TRAM2: variants seen among roughly 807,000 people sequenced by gnomAD.
TRAM2 encodes the protein translocation associated membrane protein 2.
TRAM2 carries 12 observed loss-of-function variants against 51.0 expected under a neutral mutation model. That is an observed-to-expected ratio of 0.24 (90% confidence interval 0.15 to 0.38). TRAM2 has a LOEUF of 0.38. Ranked by LOEUF, TRAM2 falls within the 10% of genes least tolerant of loss-of-function variation. The probability of loss-of-function intolerance (pLI) is 1.00; values close to 1 mark genes in which losing one functional copy is unlikely to be tolerated. For missense variants in TRAM2, 361 were observed against 462.0 expected (o/e 0.78, Z 2.00); for synonymous variants, 175 against 179.4 (o/e 0.98, Z 0.20).
intron 1 of TRAM2, among the ~76,000 whole-genome samples, chr6:52,536,840 C>A (rs1452816442): frequency 1.3e-5 from 2 of 152,144 alleles, no homozygotes; most frequent in African/African-American, 4.8e-5. Context: ...CAGGACCAGG[C>A]CTTTCCCAAG....
chr6:52,526,474 C>A (rs1766783985), intron 2 of TRAM2, among the ~76,000 whole-genome samples: 1 of 152,086 alleles, frequency 6.6e-6, no homozygotes, highest in South Asian at 2.1e-4. Context: ...GCAATCTCTG[C>A]CTCCCAGGCT....
chr6:52,508,997 G>A (rs1485050484), intron 5 of TRAM2, among the ~76,000 whole-genome samples: 1 of 152,258 alleles, frequency 6.6e-6, no homozygotes, highest in Admixed American at 6.5e-5. Flanking sequence ...TCATGCCATT[G>A]CACTCCACCC....
chr6:52,522,363 A>C (rs1228803088), intron 2 of TRAM2, among the ~76,000 whole-genome samples: 2 of 152,260 alleles, frequency 1.3e-5, no homozygotes, highest in Non-Finnish European at 2.9e-5. Flanking sequence ...CAGTGGCTGG[A>C]GTCCCAATGT....
rs1766185895 is a variant in TRAM2 at position 52,500,407 on chromosome 6, TGGCAGGGGGAGGGG to T, written c.*2776_*2789del. On this transcript the variant is annotated 3_prime_UTR_variant, in exon 11 of 11. Coordinates refer to ENST00000182527, the MANE Select transcript of TRAM2 (RefSeq NM_012288.4). ...TGTGAAATAAACGTGCCAGGGAGGG[TGGCAGGGGGAGGGG>T]GGTGACAAAGTACCCTACAACTACC... The T allele has an allele frequency of 6.6e-6, 1 of 151,182 alleles. No homozygotes were observed. The highest frequency in any genetic ancestry group is 1.5e-5 in the Non-Finnish European group (1 of 67,828). The allele number at this position is 151,182 out of a possible 1,614,324, so 9.4% of individuals were successfully genotyped here.
chr6:52,537,685 T>TCATCAGACTCCTCACAGTCCC (rs1215624946), intron 1 of TRAM2, among the ~76,000 whole-genome samples: 9 of 151,762 alleles, frequency 5.9e-5, no homozygotes, highest in African/African-American at 2.2e-4. Context: ...TCCACAGTTC[T>TCATCAGACTCCTCACAGTCCC]CATCAGACTC....
intron 1 of TRAM2, among the ~76,000 whole-genome samples, chr6:52,550,727 C>T (rs1032982093): frequency 7.2e-5 from 11 of 151,892 alleles, no homozygotes; most frequent in East Asian, 1.9e-4. Context: ...AATTTTTGTA[C>T]TTTTAGTAGA....
intron 9 of TRAM2, 22 bp from the exon 10 acceptor site, chr6:52,504,776 GCTTAGGCTGGGGCTTGGGCTCACAGC>G (rs1562473983): frequency 7.0e-6 from 11 of 1,577,904 alleles, no homozygotes; most frequent in South Asian, 1.1e-5. Context: ...GGGGTTAGGG[GCTTAGGCTGGGGCTTGGGCTCACAGC>G]CTTGGGCTGG....
chr6:52,553,628 G>GTGCCTT lies in TRAM2; in HGVS notation c.121-17783_121-17782insAAGGCA, dbSNP rs112386633. ...CTCACACCTGAAGCACTCACTGCCT[G>GTGCCTT]TACCTCTTTGTTGAGAGATAGTAGA... On this transcript the variant is annotated intron_variant, in intron 1 of 10. Coordinates refer to ENST00000182527, the MANE Select transcript of TRAM2 (RefSeq NM_012288.4). Among the ~76,000 whole-genome samples the GTGCCTT allele has an allele frequency of 2.0e-3, 297 of 152,292 alleles. 1 individual carries two copies. Among genetic ancestry groups the GTGCCTT allele is most frequent in the African/African-American group, 7.0e-3 (292 of 41,538 alleles).
chr6:52,560,793 C>T (rs953981675), intron 1 of TRAM2, among the ~76,000 whole-genome samples: 3 of 152,204 alleles, frequency 2.0e-5, no homozygotes, highest in African/African-American at 7.2e-5. Flanking sequence ...TGGCCCTGAG[C>T]TATCACTCTC....
rs1767777919 is a variant in TRAM2, at chr6:52,576,864, C to T, written c.52G>A (p.Val18Ile). 2 of 1,613,816 alleles carry T rather than the reference C, an allele frequency of 1.2e-6. No individual in the cohort carries two copies. ...KSYPLFSQEF[V>I]IHNHADIGFC... The stretch of plus-strand genomic sequence containing the variant: ...CCGATGTCCGCATGGTTGTGGATGA[C>T]GAACTCCTGGCTGAAGAGCGGGTAA... The change falls in exon 1 of 11, where the codon GTC (valine) becomes ATC (isoleucine). Residue 18 changes from valine to isoleucine, a missense_variant. Transcript: ENST00000182527.
At chr6:52,505,844 G>A in intron 8 of TRAM2, 102 bp from the exon 9 acceptor site, 2 of 1,496,664 alleles carry the variant, frequency 1.3e-6, no homozygotes, top group Non-Finnish European at 1.8e-6. Flanking sequence ...GGATTCAAGG[G>A]TGGCTGGGGA....
At chr6:52,566,750 C>T (rs1446640582) in intron 1 of TRAM2, among the ~76,000 whole-genome samples, 1 of 152,120 alleles carries the variant, frequency 6.6e-6, no homozygotes, top group East Asian at 1.9e-4. Flanking sequence ...TATTCTATTG[C>T]CCTCCCATAT....
chr6:52,536,689 G>A (rs1027836951), intron 1 of TRAM2, among the ~76,000 whole-genome samples: 2 of 152,098 alleles, frequency 1.3e-5, no homozygotes, highest in Admixed American at 1.3e-4. Flanking sequence ...AGCTAGTTTG[G>A]GTACTACAGA....
intron 2 of TRAM2, among the ~76,000 whole-genome samples, chr6:52,521,354 A>AT (rs934743954): frequency 4.6e-5 from 7 of 151,078 alleles, no homozygotes; most frequent in Admixed American, 1.3e-4. Context: ...GATGTTTTTG[A>AT]TTTTTTTTTC....
Position 52,577,040 on chromosome 6 carries a change from C to CGCCCA in TRAM2, c.-130_-126dup, listed in dbSNP as rs1458803890. 2.2e-5 allele frequency: 26 copies of CGCCCA among 1,164,768 alleles called. No individual in the cohort carries two copies. The highest frequency in any genetic ancestry group is 2.3e-5 in the Non-Finnish European group (21 of 928,822). 72.2% of individuals were successfully genotyped at this position (1,164,768 alleles called of 1,614,324 possible). A position where few individuals can be genotyped will look rare whatever the true frequency, so the allele number is the denominator to read the frequency against. ...GCCCGCTCTCCCACAGCCGCTCGCCCGCCCAGCGCGGAACAACTTCGGGGC... is the reference window on the plus strand; with the variant it reads ...GCCCGCTCTCCCACAGCCGCTCGCCCGCCCAGCCCAGCGCGGAACAACTTCGGGGC... On this transcript the variant is annotated 5_prime_UTR_variant, in exon 1 of 11. Transcript: ENST00000182527.
At chr6:52,560,234 C>T (rs144443746) in intron 1 of TRAM2, among the ~76,000 whole-genome samples, 46 of 147,564 alleles carry the variant, frequency 3.1e-4, no homozygotes, top group African/African-American at 9.1e-4. Context: ...GTGACAAGAG[C>T]GAAACTGTCT....
At chr6:52,528,335 G>C (rs746654845) in intron 2 of TRAM2, among the ~76,000 whole-genome samples, 12 of 152,080 alleles carry the variant, frequency 7.9e-5, no homozygotes, top group Non-Finnish European at 1.5e-4. Flanking sequence ...CCGTAATCAA[G>C]TATGGCTTCC....
chr6:52,560,419 T>TA (rs1258404357), intron 1 of TRAM2, among the ~76,000 whole-genome samples: 1 of 152,252 alleles, frequency 6.6e-6, no homozygotes, highest in African/African-American at 2.4e-5. Flanking sequence ...AGGCTCATCC[T>TA]ATACATACTA....
Position 52,503,118 on chromosome 6 carries a change from G to A in TRAM2, c.*79C>T, listed in dbSNP as rs1372719397. 5 of 1,193,586 alleles carry A rather than the reference G, an allele frequency of 4.2e-6. No homozygotes were observed. Among genetic ancestry groups the A allele is most frequent in the Non-Finnish European group, 6.3e-6 (5 of 798,654 alleles). 73.9% of individuals were successfully genotyped at this position (1,193,586 alleles called of 1,614,324 possible). On this transcript the variant is annotated 3_prime_UTR_variant, in exon 11 of 11. Transcript: ENST00000182527. ...GACGGAGCATCACAGGCAGGAAGGAGGAGGCAGGGAGGGGGCCTGGGCTCC... is the reference window on the plus strand; with the variant it reads ...GACGGAGCATCACAGGCAGGAAGGAAGAGGCAGGGAGGGGGCCTGGGCTCC...
Sources: gnomAD v4.1 joint callset for allele counts (sites outside exome capture counted in the v4.1 genomes callset) on GRCh38, gnomAD v4.1.1 for gene constraint, MANE v1.5 for transcripts, NCBI Gene and HGNC (gene_info 2026-07-23, HGNC 2026-07-21) for gene names.